Variants in ARHGEF26 observed in about 807,000 individuals in gnomAD.
The protein encoded by ARHGEF26 is Rho guanine nucleotide exchange factor 26.
ARHGEF26 carries 59 observed loss-of-function variants against 89.4 expected under a neutral mutation model. That is an observed-to-expected ratio of 0.66 (90% CI 0.54 to 0.82). The LOEUF is 0.82. Among genes scored for constraint, ARHGEF26 ranks in the 40% least tolerant of loss-of-function variants. The probability of loss-of-function intolerance (pLI) is 0.00; values close to 1 mark genes in which losing one functional copy is unlikely to be tolerated. For missense variants in ARHGEF26, 1,234 were observed against 1,085.6 expected (o/e 1.14, Z -1.92); for synonymous variants, 500 against 428.4 (o/e 1.17, Z -2.06).
intron 3 of ARHGEF26, among the ~76,000 whole-genome samples, chr3:154,125,701 C>T (rs777422001): frequency 6.6e-6 from 1 of 152,070 alleles, no homozygotes; most frequent in African/African-American, 2.4e-5. Flanking sequence ...TTCATTATAA[C>T]TAGTTTTACG....
chr3:154,128,112 A>G (rs1400530322), intron 3 of ARHGEF26, among the ~76,000 whole-genome samples: 6 of 152,128 alleles, frequency 3.9e-5, no homozygotes, highest in Admixed American at 1.3e-4. Flanking sequence ...GTTTGTAGGT[A>G]TGTATTTGTG....
chr3:154,220,505 A>AGGGCCC (rs1716060046), intron 10 of ARHGEF26, among the ~76,000 whole-genome samples: 1 of 152,172 alleles, frequency 6.6e-6, no homozygotes, highest in African/African-American at 2.4e-5. Flanking sequence ...TGAGTTAAGA[A>AGGGCCC]GGGCCTTAGA....
chr3:154,122,433 G>A lies in ARHGEF26; in HGVS notation c.441G>A (p.Pro147=), dbSNP rs749032368. The A allele has an allele frequency of 6.2e-7, 1 of 1,610,980 alleles. No individual in the cohort carries two copies. The highest frequency in any genetic ancestry group is 8.5e-7 in the Non-Finnish European group (1 of 1,179,096). Reference sequence around the variant, plus strand: ...CGCCGCCGCCGGTTCTGCGCCCCCCGCGGACTCCTAACGCGCCCGCCCCCT... The same window carrying A: ...CGCCGCCGCCGGTTCTGCGCCCCCCACGGACTCCTAACGCGCCCGCCCCCT... ...APPPPPVLRP[P]RTPNAPAPCT... Residue 147 remains proline (P), a synonymous_variant, in exon 2 of 15, where the codon CCG becomes CCA. Transcript: ENST00000465093.
At chr3:154,139,012 A>G (rs1719190316) in intron 4 of ARHGEF26, among the ~76,000 whole-genome samples, 1 of 152,214 alleles carries the variant, frequency 6.6e-6, no homozygotes, top group African/African-American at 2.4e-5. Flanking sequence ...TGTCTGGGCA[A>G]GGTGCGGTCA....
At chr3:154,193,463 C>T (rs1266548769) in intron 8 of ARHGEF26, among the ~76,000 whole-genome samples, 1 of 152,172 alleles carries the variant, frequency 6.6e-6, no homozygotes, top group Non-Finnish European at 1.5e-5. Flanking sequence ...CTTGGTGCTT[C>T]TGTACATTTA....
chr3:154,178,898 C>G (rs539374418), intron 6 of ARHGEF26, among the ~76,000 whole-genome samples: 1 of 152,284 alleles, frequency 6.6e-6, no homozygotes, highest in East Asian at 1.9e-4. Context: ...GCCCTTCACC[C>G]TGCTCCCTCC....
In ARHGEF26 at chr3:154,122,053, CGGTCG is replaced by C; in HGVS notation, c.62_66del (p.Arg21HisfsTer57). The C allele has an allele frequency of 6.2e-7, 1 of 1,611,572 alleles. No homozygotes were observed. The highest frequency in any genetic ancestry group is 8.5e-7 in the Non-Finnish European group (1 of 1,178,208). ...CAGCATAACCCCTTTGTGGCGGAGG[CGGTCG>C]ATTCCTCAGCCCCACCAGGTTCTGG... is the stretch of plus-strand genomic sequence containing the variant. On this transcript the variant is annotated frameshift_variant, in exon 2 of 15. Coordinates refer to ENST00000465093, the MANE Select transcript of ARHGEF26 (RefSeq NM_015595.4). LOFTEE classifies it high-confidence loss of function.
At chr3:154,217,805 C>G in intron 9 of ARHGEF26, 64 bp from the exon 10 acceptor site, 2 of 1,260,670 alleles carry the variant, frequency 1.6e-6, no homozygotes. Context: ...TGTGAGAGTT[C>G]TGCTTTTGAA....
chr3:154,133,330 T>C (rs1462107282), intron 4 of ARHGEF26, among the ~76,000 whole-genome samples: 1 of 152,124 alleles, frequency 6.6e-6, no homozygotes, highest in Non-Finnish European at 1.5e-5. Context: ...TGTTGTCATT[T>C]AGGAATAAAG....
rs546544913 is a variant in ARHGEF26 at position 154,131,695 on chromosome 3, CA to C, written c.1269+1977del. ...GTGGCAGCAGCTGGGTTTGTTAGCA[CA>C]GGCCTAAATCGTGCTGTTGGTCTCT... On this transcript the variant is annotated intron_variant, in intron 4 of 14. Transcript: ENST00000465093. Among the ~76,000 whole-genome samples the C allele has an allele frequency of 2.0e-5, 3 of 152,256 alleles. No individual in the cohort carries two copies. In the South Asian group the frequency reaches 6.2e-4, roughly 32 times the overall value.
chr3:154,251,289 T>G (rs1718130882), intron 12 of ARHGEF26, among the ~76,000 whole-genome samples: 1 of 152,228 alleles, frequency 6.6e-6, no homozygotes, highest in African/African-American at 2.4e-5. Flanking sequence ...AAAAATTAGA[T>G]TAGATGATAC....
intron 9 of ARHGEF26, among the ~76,000 whole-genome samples, chr3:154,201,751 C>T (rs1202084112): frequency 6.6e-6 from 1 of 152,144 alleles, no homozygotes; most frequent in African/African-American, 2.4e-5. Context: ...TCTCTGATAG[C>T]CAGTGATGAT....
At chr3:154,254,887 G>A in intron 14 of ARHGEF26, 63 bp downstream of exon 14, 1 of 1,385,202 alleles carries the variant, frequency 7.2e-7, no homozygotes, top group Non-Finnish European at 1.0e-6. Context: ...TAGACCCGAG[G>A]AGTGTCATTT....
At chr3:154,202,772 T>G (rs1714729514) in intron 9 of ARHGEF26, among the ~76,000 whole-genome samples, 1 of 109,966 alleles carries the variant, frequency 9.1e-6, no homozygotes. Flanking sequence ...CAATTGTGAA[T>G]GGGAGTTCAC....
In ARHGEF26 at chr3:154,257,557, A is replaced by T. The variant is rs995273792; in HGVS notation, c.*2084A>T. 3 of 152,250 alleles carry T rather than the reference A, an allele frequency of 2.0e-5. No individual in the cohort carries two copies. Among genetic ancestry groups the T allele is most frequent in the Non-Finnish European group, 2.9e-5 (2 of 68,054 alleles). The allele number at this position is 152,250 out of a possible 1,614,324, so 9.4% of individuals were successfully genotyped here. On this transcript the variant is annotated 3_prime_UTR_variant, in exon 15 of 15. Transcript: ENST00000465093. The stretch of plus-strand genomic sequence containing the variant: ...GTTAAACAGCTTTGGAAATACATGC[A>T]TCTTATGAATCATAGCCTTATTTAG...
At chr3:154,121,762 A>G (rs1717936395) in intron 1 of ARHGEF26, among the ~76,000 whole-genome samples, 180 bp from the exon 2 acceptor site, 1 of 152,144 alleles carries the variant, frequency 6.6e-6, no homozygotes, top group Admixed American at 6.5e-5. Flanking sequence ...GCGGCAGCCC[A>G]GATTTCTGCC....
At chr3:154,201,758 T>A (rs1714655973) in intron 9 of ARHGEF26, among the ~76,000 whole-genome samples, 1 of 152,262 alleles carries the variant, frequency 6.6e-6, no homozygotes, top group Admixed American at 6.5e-5. Flanking sequence ...TAGCCAGTGA[T>A]GATGAGCATT....
At chr3:154,168,958 T>C (rs1365871403) in intron 6 of ARHGEF26, among the ~76,000 whole-genome samples, 1 of 151,808 alleles carries the variant, frequency 6.6e-6, no homozygotes, top group Non-Finnish European at 1.5e-5. Flanking sequence ...ATATGAGAAA[T>C]GTGAGATAGT....
Position 154,253,102 on chromosome 3 carries a change from G to A in ARHGEF26, c.2301-14G>A. On this transcript the variant is annotated splice_polypyrimidine_tract_variant and intron_variant, in intron 12 of 14. Transcript: ENST00000465093. ...CACCTTGAGTCTCTCAGTTGGATCT[G>A]CCCTCTGTTTTAGGAGCGAGCGAGC... 1 of 1,613,874 alleles carries A rather than the reference G, an allele frequency of 6.2e-7. No individual in the cohort carries two copies. The highest frequency in any genetic ancestry group is 8.5e-7 in the Non-Finnish European group (1 of 1,179,826).
Sources: allele counts gnomAD v4.1 joint callset (sites outside exome capture counted in the v4.1 genomes callset), GRCh38; gene constraint gnomAD v4.1.1; transcripts MANE v1.5; gene names NCBI Gene and HGNC (gene_info 2026-07-23, HGNC 2026-07-21).